TBCD: variants seen among roughly 807,000 people sequenced by gnomAD.
The protein encoded by TBCD is tubulin-specific chaperone D.
TBCD carries 105 observed loss-of-function variants against 169.3 expected under a neutral mutation model. That is an observed-to-expected ratio of 0.62 (90% CI 0.53 to 0.73). The LOEUF (loss-of-function observed/expected upper bound fraction) is 0.73. TBCD is among the 30% of genes least tolerant of loss of function. TBCD has a pLI of 0.00. For synonymous variants in TBCD, 700 were observed against 643.9 expected, an observed-to-expected ratio of 1.09 and a Z score of -1.32; for missense variants, 1,444 against 1,600.1, an observed-to-expected ratio of 0.90 and a Z score of 1.66.
intron 12 of TBCD, among the ~76,000 whole-genome samples, chr17:82,813,577 T>G (rs1229249348): frequency 6.6e-6 from 1 of 152,178 alleles, no homozygotes; most frequent in Non-Finnish European, 1.5e-5. Flanking sequence ...ACGTGTCTGA[T>G]TTAGAAGTAG....
At chr17:82,906,879 G>A (rs772725703) in intron 20 of TBCD, among the ~76,000 whole-genome samples, 32 of 152,242 alleles carry the variant, frequency 2.1e-4, no homozygotes, top group African/African-American at 6.0e-4. Flanking sequence ...CCTTTATGGC[G>A]CTGCTCTGTG....
intron 4 of TBCD, 53 bp from the exon 5 acceptor site, chr17:82,768,367 G>T: frequency 1.2e-6 from 2 of 1,607,516 alleles, no homozygotes; most frequent in South Asian, 2.2e-5. Context: ...ATTGTGGCCA[G>T]TGGCCTGTGA....
At chr17:82,759,854 G>C (rs1334238462) in intron 2 of TBCD, among the ~76,000 whole-genome samples, 1 of 147,570 alleles carries the variant, frequency 6.8e-6, no homozygotes, top group Non-Finnish European at 1.5e-5. Context: ...TGACCTATCT[G>C]TATGCTCTTT....
chr17:82,812,873 G>C (rs567833308), intron 12 of TBCD, among the ~76,000 whole-genome samples: 1 of 152,278 alleles, frequency 6.6e-6, no homozygotes, highest in African/African-American at 2.4e-5. Context: ...TTGCTCTGTT[G>C]CTCAGGCACC....
chr17:82,818,228 G>T (rs992559771), intron 13 of TBCD, among the ~76,000 whole-genome samples: 1 of 152,202 alleles, frequency 6.6e-6, no homozygotes, highest in Non-Finnish European at 1.5e-5. Context: ...CTTCTGCCTG[G>T]CGGTGCCCTC....
rs894528102 is a variant in TBCD, at chr17:82,915,213, G to A, written c.2038+3424G>A. On this transcript the variant is annotated intron_variant, in intron 23 of 38. Transcript: ENST00000355528. The surrounding 1 kb of genome is among the most constrained non-coding windows in gnomAD (Gnocchi z 4.3). ...TTACCCCCGAGGACGCCGGCATGTC[G>A]GTGACATGCCGCCCGCAGGAGCATC... 6.6e-6 allele frequency among the ~76,000 whole-genome samples: 1 copy of A among 152,112 alleles called. No individual in the cohort carries two copies. The highest frequency in any genetic ancestry group is 1.5e-5 in the Non-Finnish European group (1 of 68,006).
At chr17:82,772,635 G>C in intron 6 of TBCD, 128 bp downstream of exon 6, 1 of 1,027,254 alleles carries the variant, frequency 9.7e-7, no homozygotes, top group Non-Finnish European at 1.5e-6. Flanking sequence ...GGACTCTGTG[G>C]CTTTCTCTGA....
chr17:82,758,911 C>G (rs1384654165), intron 2 of TBCD, among the ~76,000 whole-genome samples: 1 of 152,110 alleles, frequency 6.6e-6, no homozygotes, highest in Non-Finnish European at 1.5e-5. Context: ...ATCTGCCCAC[C>G]TTGGTCTCCC....
Position 82,889,742 on chromosome 17 carries a change from G to T in TBCD, c.1563+45G>T. On this transcript the variant is annotated intron_variant, in intron 16 of 38. Transcript: ENST00000355528. The surrounding 1 kb of genome is among the most constrained non-coding windows in gnomAD (Gnocchi z 5.3). ...CCTTTATTCCAAAAACTTCCTGCGG[G>T]TTTATAGGTAGGAATCTTGAGAGCT... 6.2e-7 allele frequency: 1 copy of T among 1,609,188 alleles called. No individual in the cohort carries two copies. The highest frequency in any genetic ancestry group is 8.5e-7 in the Non-Finnish European group (1 of 1,177,372).
chr17:82,871,960 G>A (rs1242839733), intron 14 of TBCD, among the ~76,000 whole-genome samples: 4 of 151,008 alleles, frequency 2.6e-5, no homozygotes, highest in Admixed American at 6.6e-5. Flanking sequence ...TGAGGCACAC[G>A]CTGGTGTAGG....
Position 82,945,202 on chromosome 17 carries a change from C to G in TBCD, c.*2739C>G, listed in dbSNP as rs766589513. 1.3e-5 allele frequency: 2 copies of G among 152,182 alleles called. No homozygotes were observed. The highest frequency in any genetic ancestry group is 2.9e-5 in the Non-Finnish European group (2 of 68,032). The allele number at this position is 152,182 out of a possible 1,614,324, so 9.4% of individuals were successfully genotyped here. On this transcript the variant is annotated 3_prime_UTR_variant, in exon 39 of 39. Coordinates refer to ENST00000355528, the MANE Select transcript of TBCD (RefSeq NM_005993.5). ...AGCTCAATGGATAGCTTAGACACAGCTGAAGAGAGAATTAGAAAACTGGAA... is the reference window on the plus strand; with the variant it reads ...AGCTCAATGGATAGCTTAGACACAGGTGAAGAGAGAATTAGAAAACTGGAA...
intron 6 of TBCD, among the ~76,000 whole-genome samples, chr17:82,774,337 G>T (rs2048454877): frequency 6.6e-6 from 1 of 152,180 alleles, no homozygotes. Flanking sequence ...AGTGGACACA[G>T]CACATGTTTC....
chr17:82,896,190 G>T (rs932006491), intron 17 of TBCD, among the ~76,000 whole-genome samples: 2 of 152,074 alleles, frequency 1.3e-5, no homozygotes, highest in African/African-American at 4.8e-5. Context: ...CAGGCAGTGG[G>T]CACTCTCCTC....
In TBCD at chr17:82,942,689, A is replaced by C; in HGVS notation, c.*226A>C. Reference sequence around the variant, plus strand: ...TTGAACACAAATGTGCTTCCTATAAAATCATGTACCAAGAAGTTCCTGCCT... The same window carrying C: ...TTGAACACAAATGTGCTTCCTATAACATCATGTACCAAGAAGTTCCTGCCT... On this transcript the variant is annotated 3_prime_UTR_variant, in exon 39 of 39. Coordinates refer to ENST00000355528, the MANE Select transcript of TBCD (RefSeq NM_005993.5). 1.6e-6 allele frequency: 1 copy of C among 609,468 alleles called. No homozygotes were observed. The highest frequency in any genetic ancestry group is 2.9e-6 in the Non-Finnish European group (1 of 343,454). The allele number at this position is 609,468 out of a possible 1,614,324, so 37.8% of individuals were successfully genotyped here.
intron 34 of TBCD, among the ~76,000 whole-genome samples, chr17:82,935,851 C>T (rs1376513934): frequency 6.6e-6 from 1 of 152,202 alleles, no homozygotes; most frequent in African/African-American, 2.4e-5. Flanking sequence ...CCCCCCCCAT[C>T]GGGGTTCACA....
intron 7 of TBCD, among the ~76,000 whole-genome samples, chr17:82,796,852 T>C (rs557863748): frequency 6.6e-6 from 1 of 152,320 alleles, no homozygotes; most frequent in East Asian, 1.9e-4. Context: ...GACACCAGTA[T>C]TTAGTGAAAG....
intron 13 of TBCD, among the ~76,000 whole-genome samples, chr17:82,861,735 G>A (rs557445815): frequency 2.0e-5 from 3 of 152,270 alleles, no homozygotes; most frequent in Non-Finnish European, 4.4e-5. Context: ...GGCTTTTTAC[G>A]TCTCTTCTAG....
At chr17:82,836,137 C>T (rs757845248) in intron 13 of TBCD, among the ~76,000 whole-genome samples, 3 of 152,236 alleles carry the variant, frequency 2.0e-5, no homozygotes, top group African/African-American at 4.8e-5. Flanking sequence ...CAGTCCCTAC[C>T]GTGTGGGGCA....
chr17:82,752,245 G>A lies in TBCD; in HGVS notation c.52G>A (p.Asp18Asn), dbSNP rs762541329. ...GGGCGGCCCCGAGGAGGAGGCGGAG[G>A]ACGAGACACTGGCCTTTGGCGCGGC... ...AAGGPEEEAE[D>N]ETLAFGAALE... Residue 18 changes from aspartate to asparagine, a missense_variant, in exon 1 of 39, where the codon GAC (aspartate) becomes AAC (asparagine). Coordinates refer to ENST00000355528, the MANE Select transcript of TBCD (RefSeq NM_005993.5). The A allele has an allele frequency of 3.3e-5, 51 of 1,526,604 alleles. No homozygotes were observed. The highest frequency in any genetic ancestry group is 4.2e-5 in the Non-Finnish European group (48 of 1,140,632). The allele number at this position is 1,526,604 out of a possible 1,614,324, so 94.6% of individuals were successfully genotyped here. A position where few individuals can be genotyped will look rare whatever the true frequency, so the allele number is the denominator to read the frequency against.
Sources: allele counts gnomAD v4.1 joint callset (sites outside exome capture counted in the v4.1 genomes callset), GRCh38; gene constraint gnomAD v4.1.1; non-coding constraint Gnocchi (gnomAD v3.1); transcripts MANE v1.5; gene names NCBI Gene and HGNC (gene_info 2026-07-23, HGNC 2026-07-21).